LRP1B: variants seen among roughly 807,000 people sequenced by gnomAD.
LRP1B encodes low-density lipoprotein receptor-related protein 1B.
LRP1B carries 217 observed loss-of-function variants against 556.6 expected under a neutral mutation model. That is an observed-to-expected ratio of 0.39 (90% CI 0.35 to 0.44). LRP1B has a LOEUF of 0.44. Among genes scored for constraint, LRP1B ranks in the 20% least tolerant of loss-of-function variants. LRP1B has a pLI of 1.00. For missense variants in LRP1B, 5,053 were observed against 5,620.8 expected (o/e 0.90, Z 3.23); for synonymous variants, 2,047 against 1,865.8 (o/e 1.10, Z -2.50).
At chr2:141,258,159 C>T (rs978554871) in intron 3 of LRP1B, among the ~76,000 whole-genome samples, 1 of 152,150 alleles carries the variant, frequency 6.6e-6, no homozygotes, top group Non-Finnish European at 1.5e-5. Context: ...TATTCCTCAC[C>T]ATTATAAAAT....
chr2:142,120,919 T>A (rs1317981048), intron 1 of LRP1B, among the ~76,000 whole-genome samples: 1 of 152,184 alleles, frequency 6.6e-6, no homozygotes, highest in Non-Finnish European at 1.5e-5. Context: ...ATGACCATCA[T>A]GTGACTTTTA....
chr2:141,176,752 ACT>A (rs1247686942), intron 7 of LRP1B, among the ~76,000 whole-genome samples: 1 of 152,190 alleles, frequency 6.6e-6, no homozygotes, highest in East Asian at 1.9e-4. Context: ...AAAATGACTC[ACT>A]CTAAGTAAAA....
intron 60 of LRP1B, among the ~76,000 whole-genome samples, chr2:140,467,923 G>A (rs534416146): frequency 5.9e-5 from 9 of 152,248 alleles, no homozygotes; most frequent in East Asian, 1.9e-4. Flanking sequence ...TTGGAAAATC[G>A]TCAGCCTGGC....
At chr2:142,034,147 T>C (rs1703797177) in intron 1 of LRP1B, among the ~76,000 whole-genome samples, 1 of 151,758 alleles carries the variant, frequency 6.6e-6, no homozygotes. Flanking sequence ...AATATTTTTG[T>C]TCCCTTGCCA....
At chr2:140,309,663 T>TA (rs1434413098) in intron 83 of LRP1B, among the ~76,000 whole-genome samples, 8 of 151,858 alleles carry the variant, frequency 5.3e-5, no homozygotes, top group Admixed American at 1.3e-4. Flanking sequence ...TTTTAATTTC[T>TA]AATAATAGTT....
At chr2:140,904,886 G>A (rs1694205404) in intron 22 of LRP1B, among the ~76,000 whole-genome samples, 1 of 152,044 alleles carries the variant, frequency 6.6e-6, no homozygotes, top group Non-Finnish European at 1.5e-5. Flanking sequence ...CTTATTTCAA[G>A]TGTCACGGTT....
intron 1 of LRP1B, among the ~76,000 whole-genome samples, chr2:141,932,377 A>G (rs1700532958): frequency 6.6e-6 from 1 of 152,094 alleles, no homozygotes; most frequent in Non-Finnish European, 1.5e-5. Context: ...AAAGCACTAT[A>G]TAATACAACC....
At chr2:141,968,278 T>C (rs1701620686) in intron 1 of LRP1B, among the ~76,000 whole-genome samples, 1 of 151,908 alleles carries the variant, frequency 6.6e-6, no homozygotes, top group African/African-American at 2.4e-5. Flanking sequence ...GTGATAAATG[T>C]ATTTTGCAAT....
intron 7 of LRP1B, among the ~76,000 whole-genome samples, chr2:141,086,048 T>C (rs1297503390): frequency 6.6e-6 from 1 of 152,222 alleles, no homozygotes; most frequent in East Asian, 1.9e-4. Flanking sequence ...AAGCATCAGG[T>C]CTGCTTGTTC....
At chr2:142,010,667 A>T (rs909592474) in intron 1 of LRP1B, among the ~76,000 whole-genome samples, 33 of 152,000 alleles carry the variant, frequency 2.2e-4, no homozygotes, top group Admixed American at 2.1e-3. Context: ...CCACAGTTAG[A>T]TCAGCACGAT....
chr2:141,999,695 CATTAA>C (rs1355447144), intron 1 of LRP1B, among the ~76,000 whole-genome samples: 22 of 151,672 alleles, frequency 1.5e-4, no homozygotes, highest in African/African-American at 3.1e-4. Context: ...CTTTTTTTCT[CATTAA>C]ATTAAAGCAA....
chr2:141,458,644 ATT>A (rs35918601), intron 3 of LRP1B, among the ~76,000 whole-genome samples: 1 of 150,712 alleles, frequency 6.6e-6, no homozygotes, highest in Admixed American at 6.6e-5. Context: ...TCCCTATCTC[ATT>A]TTTTTTTTAA....
chr2:141,701,538 T>A (rs541034398), intron 2 of LRP1B, among the ~76,000 whole-genome samples: 1 of 151,966 alleles, frequency 6.6e-6, no homozygotes, highest in African/African-American at 2.4e-5. Flanking sequence ...ATAATCTAGA[T>A]GTCCTTGGGA....
At chr2:142,113,397 C>A (rs563931408) in intron 1 of LRP1B, among the ~76,000 whole-genome samples, 1 of 151,266 alleles carries the variant, frequency 6.6e-6, no homozygotes. Context: ...AATTTTTAAG[C>A]AATACCTCAT....
intron 43 of LRP1B, among the ~76,000 whole-genome samples, chr2:140,568,754 A>T (rs1681215827): frequency 6.6e-6 from 1 of 152,116 alleles, no homozygotes; most frequent in Non-Finnish European, 1.5e-5. Flanking sequence ...GTCATATATA[A>T]GGGTATCCCC....
chr2:141,987,151 A>G (rs1177489588), intron 1 of LRP1B, among the ~76,000 whole-genome samples: 1 of 37,018 alleles, frequency 2.7e-5, no homozygotes, highest in East Asian at 2.1e-3. Flanking sequence ...AAGATAATAC[A>G]TTTTGGTTTG....
intron 18 of LRP1B, among the ~76,000 whole-genome samples, chr2:140,962,868 A>G (rs2105317273): frequency 6.6e-6 from 1 of 152,310 alleles, no homozygotes; most frequent in African/African-American, 2.4e-5. Context: ...AACAAGAGAG[A>G]GAAAATGCTG....
intron 18 of LRP1B, among the ~76,000 whole-genome samples, chr2:140,961,862 C>A (rs1696046187): frequency 6.6e-6 from 1 of 152,062 alleles, no homozygotes; most frequent in Non-Finnish European, 1.5e-5. Flanking sequence ...CAAGAAATGG[C>A]ACTTAAACAT....
At chr2:141,358,910 T>G (rs1688721133) in intron 3 of LRP1B, among the ~76,000 whole-genome samples, 1 of 152,104 alleles carries the variant, frequency 6.6e-6, no homozygotes, top group Non-Finnish European at 1.5e-5. Context: ...TTATAAAAAC[T>G]GATAAAAATT....
Sources: gnomAD v4.1 joint callset for allele counts (sites outside exome capture counted in the v4.1 genomes callset) on GRCh38, gnomAD v4.1.1 for gene constraint, MANE v1.5 for transcripts, NCBI Gene and HGNC (gene_info 2026-07-23, HGNC 2026-07-21) for gene names.